EDA: variants seen among roughly 807,000 people sequenced by gnomAD.
The protein encoded by EDA is ectodysplasin A.
In EDA, 2 loss-of-function variants were observed where a neutral mutation model predicts 23.6. That is an observed-to-expected ratio of 0.08 (90% CI 0.03 to 0.27). EDA has a LOEUF of 0.27. Among genes scored for constraint, EDA ranks in the 10% least tolerant of loss-of-function variants. The pLI is 1.00. For missense variants in EDA, 229 were observed against 324.2 expected, an observed-to-expected ratio of 0.71 and a Z score of 2.26; for synonymous variants, 131 against 132.0, an observed-to-expected ratio of 0.99 and a Z score of 0.05.
At chrX:69,830,891 G>C (rs1402189458) in intron 1 of EDA, among the ~76,000 whole-genome samples, 1 of 111,618 alleles carries the variant, frequency 9.0e-6, no homozygotes, top group Non-Finnish European at 1.9e-5. Context: ...GATATGACTA[G>C]TTTGGCTTGA....
intron 1 of EDA, among the ~76,000 whole-genome samples, chrX:69,756,002 C>G (rs2014101246): frequency 8.9e-6 from 1 of 112,161 alleles, no homozygotes. Context: ...TCCCCAACCC[C>G]TTGAGCTTCC....
chrX:70,036,315 C>G lies in EDA; in HGVS notation c.*706C>G, dbSNP rs146671836. On this transcript the variant is annotated 3_prime_UTR_variant, in exon 8 of 8. Transcript: ENST00000374552. ...TGGCCACAAACCTGCCCGCCTAAGA[C>G]CCTGAATCCGTACTTGGGTCACATG... 2.2e-4 allele frequency: 25 copies of G among 112,205 alleles called. No homozygotes were observed. Among genetic ancestry groups the G allele is most frequent in the African/African-American group, 8.1e-4 (25 of 30,781 alleles). 9.2% of individuals were successfully genotyped at this position (112,205 alleles called of 1,213,427 possible).
At chrX:69,832,194 A>C (rs762042348) in intron 1 of EDA, among the ~76,000 whole-genome samples, 51 of 111,500 alleles carry the variant, frequency 4.6e-4, no homozygotes, top group Admixed American at 2.4e-3. Flanking sequence ...GTCTTTAATC[A>C]ATCTCGAGTT....
chrX:69,957,488 A>AAAC (rs2019029003), intron 2 of EDA: 1 of 178,243 alleles, frequency 5.6e-6, no homozygotes, highest in African/African-American at 3.2e-5. Flanking sequence ...CAAAAAAAAA[A>AAAC]AAACAAAAAA....
At chrX:69,911,076 C>T (rs1225539188) in intron 1 of EDA, among the ~76,000 whole-genome samples, 1 of 111,965 alleles carries the variant, frequency 8.9e-6, no homozygotes, top group African/African-American at 3.2e-5. Flanking sequence ...CCTCTGGATT[C>T]TGTTACATTC....
chrX:69,975,567 G>A (rs1226838535), intron 2 of EDA, among the ~76,000 whole-genome samples: 4 of 110,620 alleles, frequency 3.6e-5, no homozygotes, highest in Non-Finnish European at 7.6e-5. Context: ...TACAAACCTC[G>A]GCATCACACA....
intron 2 of EDA, among the ~76,000 whole-genome samples, chrX:69,981,318 A>G (rs1192828034): frequency 1.8e-5 from 2 of 111,856 alleles, no homozygotes; most frequent in Admixed American, 1.9e-4. Flanking sequence ...TACTATAGAA[A>G]CAAACCTGTA....
chrX:69,781,708 A>G (rs140042062), intron 1 of EDA, among the ~76,000 whole-genome samples: 8,381 of 110,995 alleles, frequency 0.076, 254 homozygotes, highest in Middle Eastern at 0.089. Context: ...ACAGAAACCT[A>G]TAGTCACTTA....
intron 1 of EDA, among the ~76,000 whole-genome samples, chrX:69,761,795 G>A (rs1263842908): frequency 9.0e-6 from 1 of 111,636 alleles, no homozygotes; most frequent in Non-Finnish European, 1.9e-5. Context: ...ACTGCTGTCA[G>A]CTGTTACTAC....
chrX:69,668,586 T>A (rs994009123), intron 1 of EDA, among the ~76,000 whole-genome samples: 1 of 111,080 alleles, frequency 9.0e-6, no homozygotes, highest in African/African-American at 3.3e-5. Flanking sequence ...TTCCCTACTA[T>A]TTTTTTTGGA....
chrX:69,866,259 G>A lies in EDA; in HGVS notation c.397-90768G>A, dbSNP rs2017483917. ...TAAGAGACGCCCTAATGGATCTCCTGTATTCCATGCATACTCTTCCTTACC... is the reference window on the plus strand; with the variant it reads ...TAAGAGACGCCCTAATGGATCTCCTATATTCCATGCATACTCTTCCTTACC... On this transcript the variant is annotated intron_variant, in intron 1 of 7. Coordinates refer to ENST00000374552, the MANE Select transcript of EDA (RefSeq NM_001399.5). 3.6e-5 allele frequency among the ~76,000 whole-genome samples: 4 copies of A among 111,125 alleles called. No homozygotes were observed. The South Asian group carries it at 1.5e-3, about 43-fold the overall frequency.
intron 1 of EDA, among the ~76,000 whole-genome samples, chrX:69,753,981 G>A (rs775882757): frequency 1.0e-4 from 11 of 110,378 alleles, no homozygotes; most frequent in Non-Finnish European, 1.9e-4. Context: ...ACGTGAGATG[G>A]ATCTCCTGAA....
intron 1 of EDA, among the ~76,000 whole-genome samples, chrX:69,764,579 A>AT (rs1191036564): frequency 9.0e-6 from 1 of 110,637 alleles, no homozygotes; most frequent in African/African-American, 3.3e-5. Context: ...CCTTCTGTAT[A>AT]TTCCCTAATA....
intron 1 of EDA, among the ~76,000 whole-genome samples, chrX:69,722,287 G>C (rs1273107865): frequency 1.5e-4 from 16 of 110,002 alleles, no homozygotes; most frequent in African/African-American, 5.3e-4. Context: ...CTCACTGCAA[G>C]CTCCACCTCC....
chrX:69,661,341 T>C, intron 1 of EDA, among the ~76,000 whole-genome samples: 1 of 49,690 alleles, frequency 2.0e-5, no homozygotes, highest in East Asian at 2.1e-3. Flanking sequence ...GCAGAAGCTC[T>C]TTAGTTTAAT....
chrX:70,019,117 G>A (rs891126235), intron 2 of EDA, among the ~76,000 whole-genome samples: 1 of 111,865 alleles, frequency 8.9e-6, no homozygotes, highest in African/African-American at 3.3e-5. Flanking sequence ...GATCATTAGA[G>A]AAATATAAAT....
chrX:69,783,779 T>A (rs778624827), intron 1 of EDA, among the ~76,000 whole-genome samples: 1 of 109,873 alleles, frequency 9.1e-6, no homozygotes, highest in Non-Finnish European at 1.9e-5. Context: ...TATAGCAGCA[T>A]GATTTATAGT....
At chrX:69,978,022 T>C (rs2019341474) in intron 2 of EDA, among the ~76,000 whole-genome samples, 1 of 110,648 alleles carries the variant, frequency 9.0e-6, no homozygotes, top group South Asian at 3.8e-4. Context: ...AAGAAGACCA[T>C]TCATTTCCTG....
intron 1 of EDA, among the ~76,000 whole-genome samples, chrX:69,741,410 A>G (rs941148092): frequency 9.0e-6 from 1 of 111,125 alleles, no homozygotes; most frequent in African/African-American, 3.3e-5. Context: ...AGTTCAGTGA[A>G]GTCTACTTTC....
Sources: allele counts gnomAD v4.1 joint callset (sites outside exome capture counted in the v4.1 genomes callset), GRCh38; gene constraint gnomAD v4.1.1; transcripts MANE v1.5; gene names NCBI Gene and HGNC (gene_info 2026-07-23, HGNC 2026-07-21).